Variants in NBEA observed in about 807,000 individuals in gnomAD.
NBEA encodes the protein neurobeachin.
Under a neutral mutation model 343.4 loss-of-function variants are expected in NBEA, and 44 were observed. The ratio of observed to expected loss-of-function variants is 0.13; its 90% CI spans 0.10 to 0.16. The LOEUF (loss-of-function observed/expected upper bound fraction) is 0.16. NBEA is among the 10% of genes least tolerant of loss of function. NBEA has a pLI of 1.00. For synonymous variants in NBEA, 1,175 were observed against 1,238.7 expected, an observed-to-expected ratio of 0.95 and a Z score of 1.08; for missense variants, 2,555 against 3,631.3, an observed-to-expected ratio of 0.70 and a Z score of 7.62.
At chr13:35,573,824 A>G (rs1420843165) in intron 45 of NBEA, among the ~76,000 whole-genome samples, 1 of 152,312 alleles carries the variant, frequency 6.6e-6, no homozygotes, top group East Asian at 1.9e-4. Flanking sequence ...CTTTAATTTC[A>G]CCAGCCACAT....
At chr13:35,345,551 C>A (rs966990113) in intron 36 of NBEA, among the ~76,000 whole-genome samples, 1 of 152,016 alleles carries the variant, frequency 6.6e-6, no homozygotes, top group Admixed American at 6.6e-5. Context: ...TAGATTTTAT[C>A]CTCAGTGAAA....
chr13:35,315,045 A>G (rs2037627221), intron 36 of NBEA, among the ~76,000 whole-genome samples: 1 of 152,224 alleles, frequency 6.6e-6, no homozygotes, highest in Non-Finnish European at 1.5e-5. Context: ...TATTTTATAC[A>G]TGCTTTTATC....
chr13:35,160,064 A>G (rs942971416), intron 22 of NBEA, 32 bp downstream of exon 22: 1 of 1,480,640 alleles, frequency 6.8e-7, no homozygotes, highest in Non-Finnish European at 8.9e-7. Flanking sequence ...CTAGAAATAA[A>G]TAAAAATGCA....
At chr13:35,347,602 ATT>A (rs2039957570) in intron 36 of NBEA, among the ~76,000 whole-genome samples, 1 of 152,114 alleles carries the variant, frequency 6.6e-6, no homozygotes, top group South Asian at 2.1e-4. Flanking sequence ...AGGCCAAATC[ATT>A]GTTTTTAATT....
At chr13:35,644,968 C>A (rs1336131219) in intron 49 of NBEA, among the ~76,000 whole-genome samples, 2 of 152,168 alleles carry the variant, frequency 1.3e-5, no homozygotes, top group Non-Finnish European at 2.9e-5. Context: ...GATAAAAGAA[C>A]CAAAGTCCCA....
intron 41 of NBEA, among the ~76,000 whole-genome samples, chr13:35,499,677 G>A (rs963974554): frequency 6.6e-6 from 1 of 152,020 alleles, no homozygotes; most frequent in African/African-American, 2.4e-5. Context: ...TGCGTATCAT[G>A]CACCCGCTTG....
intron 38 of NBEA, among the ~76,000 whole-genome samples, chr13:35,376,668 A>T (rs1276855676): frequency 6.6e-6 from 1 of 152,116 alleles, no homozygotes; most frequent in African/African-American, 2.4e-5. Context: ...GGTGAAACTG[A>T]TAGGAGGAGG....
At position 35,232,573 on chromosome 13, in the gene NBEA, ATC is replaced by A; in HGVS notation, c.5733_5734del (p.Arg1912TyrfsTer26). ...EIFVDFAPFLSRTLLGSHGQE... is the reference protein window; with the variant it reads ...EIFVDFAPFLXRTLLGSHGQE... ...TTTTTGTAGACTTTGCCCCATTCCT[ATC>A]TCGTACACTTCTTGGCAGTCATGGA... On this transcript the variant is annotated frameshift_variant, in exon 34 of 59. Coordinates refer to ENST00000379939, the MANE Select transcript of NBEA (RefSeq NM_001385012.1). LOFTEE classifies it high-confidence loss of function. The A allele has an allele frequency of 6.4e-7, 1 of 1,557,568 alleles. No individual in the cohort carries two copies. The highest frequency in any genetic ancestry group is 8.7e-7 in the Non-Finnish European group (1 of 1,148,042).
rs546306561 is a variant in NBEA at position 35,363,477 on chromosome 13, C to T, written c.6179+11154C>T. Among the ~76,000 whole-genome samples the T allele has an allele frequency of 2.0e-5, 3 of 151,938 alleles. No individual in the cohort carries two copies. The East Asian group carries it at 5.8e-4, about 29-fold the overall frequency. On this transcript the variant is annotated intron_variant, in intron 38 of 58. Coordinates refer to ENST00000379939, the MANE Select transcript of NBEA (RefSeq NM_001385012.1). Reference sequence around the variant, plus strand: ...CTAGCCTTGGAATTAACTACTTGAACCCTGATTACTTCAATTTCCTCACCC... The same window carrying T: ...CTAGCCTTGGAATTAACTACTTGAATCCTGATTACTTCAATTTCCTCACCC...
intron 33 of NBEA, among the ~76,000 whole-genome samples, chr13:35,221,903 A>C (rs2074390563): frequency 6.6e-6 from 1 of 152,178 alleles, no homozygotes; most frequent in Non-Finnish European, 1.5e-5. Flanking sequence ...AGAGCGGTCC[A>C]GAAACCAAAA....
intron 41 of NBEA, among the ~76,000 whole-genome samples, chr13:35,484,274 G>GTGTGTA (rs540794455): frequency 8.7e-6 from 1 of 115,138 alleles, no homozygotes; most frequent in East Asian, 2.4e-4. Flanking sequence ...GTGTGTGTGT[G>GTGTGTA]TATATATATA....
chr13:35,450,455 C>T (rs2046254663), intron 39 of NBEA, among the ~76,000 whole-genome samples: 1 of 152,134 alleles, frequency 6.6e-6, no homozygotes, highest in African/African-American at 2.4e-5. Context: ...CCACTGTACT[C>T]CAGCCTGGGT....
intron 1 of NBEA, among the ~76,000 whole-genome samples, chr13:35,018,507 A>G (rs962429542): frequency 6.6e-6 from 1 of 152,024 alleles, no homozygotes; most frequent in African/African-American, 2.4e-5. Flanking sequence ...ATTATAAATG[A>G]TATTCTTTTT....
intron 40 of NBEA, among the ~76,000 whole-genome samples, chr13:35,471,271 C>G (rs2075634692): frequency 6.6e-6 from 1 of 152,140 alleles, no homozygotes; most frequent in Non-Finnish European, 1.5e-5. Flanking sequence ...TCTCCCGAGC[C>G]CGGCCCGGCG....
Position 34,942,843 on chromosome 13 carries a change from C to T in NBEA, c.23C>T (p.Pro8Leu). The T allele has an allele frequency of 7.3e-7, 1 of 1,366,488 alleles. No homozygotes were observed. Among genetic ancestry groups the T allele is most frequent in the Non-Finnish European group, 9.5e-7 (1 of 1,057,122 alleles). 84.6% of individuals were successfully genotyped at this position (1,366,488 alleles called of 1,614,324 possible). ...CCAATGGCTAGCGAGAAGCCGGGCC[C>T]GGGCCCGGGGCTCGAGCCTCAGCCC... MASEKPG[P>L]GPGLEPQPVG... The change falls in exon 1 of 59, where the codon CCG (proline) becomes CTG (leucine). Residue 8 changes from proline (P) to leucine (L), a missense_variant. This residue lies in a region of NBEA where 122 missense variants were observed against 91.0 expected (regional missense o/e 1.34). Transcript: ENST00000379939.
At chr13:35,042,496 G>T (rs1400283371) in intron 2 of NBEA, among the ~76,000 whole-genome samples, 2 of 151,328 alleles carry the variant, frequency 1.3e-5, no homozygotes, top group Non-Finnish European at 3.0e-5. Flanking sequence ...TAAATTGGCT[G>T]CTACTCTATG....
rs561824215 is a variant in NBEA at position 35,497,104 on chromosome 13, A to G, written c.6585+24568A>G. Among the ~76,000 whole-genome samples the G allele has an allele frequency of 6.6e-5, 10 of 152,174 alleles. No homozygotes were observed. In the South Asian group the frequency reaches 2.1e-3, roughly 32 times the overall value. On this transcript the variant is annotated intron_variant, in intron 41 of 58. Coordinates refer to ENST00000379939, the MANE Select transcript of NBEA (RefSeq NM_001385012.1). ...TGCAAAACAAAATGCAGATTGTACA[A>G]AAATTAAGGATATGATCACCAGTCC... is the stretch of plus-strand genomic sequence containing the variant.
In NBEA at chr13:35,226,065, T is replaced by G. The variant is rs150777980; in HGVS notation, c.5649-6427T>G. On this transcript the variant is annotated intron_variant, in intron 33 of 58. Coordinates refer to ENST00000379939, the MANE Select transcript of NBEA (RefSeq NM_001385012.1). ...ACTGCTATTCCAGAAAACAAATTCTTTCGGTGCTTTACTGGGGAATATTCT... is the reference window on the plus strand; with the variant it reads ...ACTGCTATTCCAGAAAACAAATTCTGTCGGTGCTTTACTGGGGAATATTCT... Among the ~76,000 whole-genome samples the G allele has an allele frequency of 2.3e-3, 343 of 152,278 alleles. 1 individual carries two copies. Among genetic ancestry groups the G allele is most frequent in the African/African-American group, 7.4e-3 (307 of 41,560 alleles).
chr13:35,668,662 G>T (rs1054461398), intron 58 of NBEA, 143 bp downstream of exon 58: 4 of 779,982 alleles, frequency 5.1e-6, no homozygotes, highest in Non-Finnish European at 7.5e-6. Flanking sequence ...GAAAATGAGG[G>T]GAAGAGTAAG....
Sources: gnomAD v4.1 joint callset for allele counts (sites outside exome capture counted in the v4.1 genomes callset) on GRCh38, gnomAD v4.1.1 for gene constraint, gnomAD v4.1.1 regional missense constraint, MANE v1.5 for transcripts, NCBI Gene and HGNC (gene_info 2026-07-23, HGNC 2026-07-21) for gene names.